PTPRK: variants seen among roughly 807,000 people sequenced by gnomAD.
PTPRK encodes the protein protein tyrosine phosphatase receptor type K.
In PTPRK, 75 loss-of-function variants were observed where a neutral mutation model predicts 178.0. The observed-to-expected ratio is 0.42, with a 90% CI of 0.35 to 0.51. The LOEUF is 0.51. PTPRK is among the 20% of genes least tolerant of loss of function. The pLI is 0.02. For synonymous variants in PTPRK, 637 were observed against 620.6 expected, an observed-to-expected ratio of 1.03 and a Z score of -0.39; for missense variants, 1,441 against 1,797.8, an observed-to-expected ratio of 0.80 and a Z score of 3.59.
At chr6:128,375,450 G>A (rs1033969121) in intron 2 of PTPRK, among the ~76,000 whole-genome samples, 7 of 151,288 alleles carry the variant, frequency 4.6e-5, no homozygotes, top group African/African-American at 9.7e-5. Flanking sequence ...TCATTATCAC[G>A]AGAATAGCAT....
At chr6:128,007,753 A>T (rs1778600408) in intron 14 of PTPRK, among the ~76,000 whole-genome samples, 1 of 151,062 alleles carries the variant, frequency 6.6e-6, no homozygotes, top group South Asian at 2.1e-4. Flanking sequence ...GTTTACATCC[A>T]ATCTGAAGTG....
chr6:128,336,100 A>C (rs1254327637), intron 2 of PTPRK, among the ~76,000 whole-genome samples: 1 of 152,202 alleles, frequency 6.6e-6, no homozygotes. Context: ...TAACAAATAC[A>C]ATCACCCAAA....
intron 7 of PTPRK, among the ~76,000 whole-genome samples, chr6:128,113,004 T>G (rs2114347530): frequency 6.6e-6 from 1 of 152,222 alleles, no homozygotes; most frequent in Non-Finnish European, 1.5e-5. Context: ...TGTTCCTCTC[T>G]TCCATACACT....
intron 1 of PTPRK, among the ~76,000 whole-genome samples, chr6:128,479,155 G>A (rs977756143): frequency 6.6e-6 from 1 of 152,164 alleles, no homozygotes; most frequent in Non-Finnish European, 1.5e-5. Context: ...CTGCCACAAA[G>A]TTTATGGTGT....
chr6:128,130,532 T>A (rs1411938966), intron 7 of PTPRK, among the ~76,000 whole-genome samples: 1 of 151,668 alleles, frequency 6.6e-6, no homozygotes, highest in Non-Finnish European at 1.5e-5. Context: ...TACAGTCCAC[T>A]ATCTACACAT....
In PTPRK at chr6:128,208,298, C is replaced by CAAAA. The variant is rs3058186; in HGVS notation, c.868+10620_868+10623dup. ...CTGTTAGCCAAAAGTCCTACACCCT[C>CAAAA]AAAAAAAAAAAAAAAAAATTCCCTC... On this transcript the variant is annotated intron_variant, in intron 6 of 29. Transcript: ENST00000368226. Among the ~76,000 whole-genome samples the CAAAA allele has an allele frequency of 5.5e-3, 579 of 105,024 alleles. 1 individual carries two copies. Among genetic ancestry groups the CAAAA allele is most frequent in the African/African-American group, 0.018 (538 of 30,128 alleles). The allele number at this position is 105,024 out of a possible 152,430, so 68.9% of individuals were successfully genotyped here.
At chr6:128,082,725 G>T in intron 9 of PTPRK, 87 bp from the exon 10 acceptor site, 1 of 959,436 alleles carries the variant, frequency 1.0e-6, no homozygotes, top group South Asian at 2.1e-5. Flanking sequence ...TAGTATGCAA[G>T]GGCATCCATG....
chr6:128,369,082 C>T (rs1350363797), intron 2 of PTPRK, among the ~76,000 whole-genome samples: 1 of 149,770 alleles, frequency 6.7e-6, no homozygotes, highest in Non-Finnish European at 1.5e-5. Context: ...CATCACTTCA[C>T]AAGTCAAGTT....
chr6:128,464,196 A>C (rs186486316), intron 1 of PTPRK, among the ~76,000 whole-genome samples: 113 of 152,084 alleles, frequency 7.4e-4, no homozygotes, highest in South Asian at 2.5e-3. Flanking sequence ...AAAATACACA[A>C]AAAAAAATCT....
chr6:128,006,875 C>G (rs1778487923), intron 14 of PTPRK, among the ~76,000 whole-genome samples: 1 of 150,840 alleles, frequency 6.6e-6, no homozygotes, highest in Non-Finnish European at 1.5e-5. Context: ...AAACTTTACT[C>G]AATTGAATTA....
Position 128,215,102 on chromosome 6 carries a change from A to G in PTPRK, c.868+3820T>C, listed in dbSNP as rs145452555. 5.3e-5 allele frequency among the ~76,000 whole-genome samples: 8 copies of G among 152,310 alleles called. No homozygotes were observed. The East Asian group carries it at 1.5e-3, about 29-fold the overall frequency. On this transcript the variant is annotated intron_variant, in intron 6 of 29. Transcript: ENST00000368226. ...AAAAACTGTGCTTTCAAACTGAAGT[A>G]CTTAAAATGTAACTGTAGTTTCACA...
At chr6:128,326,556 A>G (rs901481562) in intron 2 of PTPRK, among the ~76,000 whole-genome samples, 1 of 152,330 alleles carries the variant, frequency 6.6e-6, no homozygotes, top group African/African-American at 2.4e-5. Context: ...CATTTTATGG[A>G]AGATATTTAC....
intron 12 of PTPRK, among the ~76,000 whole-genome samples, chr6:128,065,441 C>T (rs1781578069): frequency 6.6e-6 from 1 of 152,268 alleles, no homozygotes; most frequent in South Asian, 2.1e-4. Flanking sequence ...TTAACGCTGT[C>T]AGGTGGCAGT....
intron 3 of PTPRK, among the ~76,000 whole-genome samples, chr6:128,271,375 G>T (rs1819791978): frequency 6.6e-6 from 1 of 152,112 alleles, no homozygotes; most frequent in Admixed American, 6.6e-5. Flanking sequence ...TGTAGACATG[G>T]TCCTCCTTGG....
intron 13 of PTPRK, among the ~76,000 whole-genome samples, chr6:128,011,575 T>C (rs924949514): frequency 6.6e-6 from 1 of 151,222 alleles, no homozygotes; most frequent in African/African-American, 2.4e-5. Flanking sequence ...ATATATATAA[T>C]GTATGTAGGT....
chr6:128,030,361 T>G (rs749195554), intron 13 of PTPRK, among the ~76,000 whole-genome samples: 1 of 152,066 alleles, frequency 6.6e-6, no homozygotes, highest in African/African-American at 2.4e-5. Flanking sequence ...TAAAAAAATA[T>G]AAAGCAGCAA....
chr6:128,239,895 C>T (rs567715290), intron 5 of PTPRK, 140 bp downstream of exon 5: 83 of 504,870 alleles, frequency 1.6e-4, no homozygotes, highest in Middle Eastern at 1.2e-3. Flanking sequence ...ATTAAACTCA[C>T]GCAGACAGCC....
intron 2 of PTPRK, among the ~76,000 whole-genome samples, chr6:128,373,429 T>C (rs149838930): frequency 5.4e-4 from 82 of 152,354 alleles, no homozygotes; most frequent in African/African-American, 1.9e-3. Flanking sequence ...ATTAGTTGTA[T>C]ATTAAAATCA....
At chr6:128,458,206 T>A (rs1293682757) in intron 1 of PTPRK, among the ~76,000 whole-genome samples, 3 of 151,788 alleles carry the variant, frequency 2.0e-5, no homozygotes, top group Admixed American at 2.0e-4. Context: ...CCCACCTCCA[T>A]CCAAACTAAA....
Sources: gnomAD v4.1 joint callset for allele counts (sites outside exome capture counted in the v4.1 genomes callset) on GRCh38, gnomAD v4.1.1 for gene constraint, MANE v1.5 for transcripts, NCBI Gene and HGNC (gene_info 2026-07-23, HGNC 2026-07-21) for gene names.